LRP1B: variants seen among roughly 807,000 people sequenced by gnomAD.
LRP1B encodes the protein LDL receptor related protein 1B, also known as low-density lipoprotein receptor-related protein 1B.
Under a neutral mutation model 556.6 loss-of-function variants are expected in LRP1B, and 217 were observed. That is an observed-to-expected ratio of 0.39 (90% CI 0.35 to 0.44). LRP1B has a LOEUF of 0.44. Among genes scored for constraint, LRP1B ranks in the 20% least tolerant of loss-of-function variants. The pLI, the probability that LRP1B is intolerant of heterozygous loss-of-function variation, is 1.00. For missense variants in LRP1B, 5,053 were observed against 5,620.8 expected (o/e 0.90, Z 3.23); for synonymous variants, 2,047 against 1,865.8 (o/e 1.10, Z -2.50).
chr2:141,994,442 C>T (rs993885148), intron 1 of LRP1B, among the ~76,000 whole-genome samples: 3 of 152,096 alleles, frequency 2.0e-5, no homozygotes, highest in African/African-American at 7.2e-5. Flanking sequence ...CTTAGAGAAT[C>T]AGTGAATCAC....
chr2:140,639,117 A>G (rs1414243394), intron 41 of LRP1B, among the ~76,000 whole-genome samples: 1 of 152,176 alleles, frequency 6.6e-6, no homozygotes, highest in Non-Finnish European at 1.5e-5. Context: ...TAAAGAAGGT[A>G]TGAGTGTTAG....
rs368755303 is a variant in LRP1B, at chr2:140,450,557, A to G, written c.10057+11T>C. On this transcript the variant is annotated intron_variant, in intron 63 of 90. Coordinates refer to ENST00000389484, the MANE Select transcript of LRP1B (RefSeq NM_018557.3). ...TAAATTCTAAATTTCAATATTTGCCAGTATACTCACGACAGTCATCAGGTT... is the reference window on the plus strand; with the variant it reads ...TAAATTCTAAATTTCAATATTTGCCGGTATACTCACGACAGTCATCAGGTT... 3.2e-6 allele frequency: 5 copies of G among 1,586,056 alleles called. No homozygotes were observed. Among genetic ancestry groups the G allele is most frequent in the East Asian group, 2.2e-5 (1 of 44,694 alleles).
intron 14 of LRP1B, among the ~76,000 whole-genome samples, chr2:141,007,975 A>C (rs1319973431): frequency 2.0e-5 from 3 of 151,560 alleles, no homozygotes; most frequent in Non-Finnish European, 4.4e-5. Flanking sequence ...ATAATTCCAT[A>C]TCTCTCCTCA....
At chr2:141,189,958 A>AAAG (rs1558921771) in intron 6 of LRP1B, among the ~76,000 whole-genome samples, 145 of 5,542 alleles carry the variant, frequency 0.026, no homozygotes, top group Non-Finnish European at 0.11. Flanking sequence ...GAAAAGGAAG[A>AAAG]AAAGAAAGAA....
chr2:141,805,668 C>G (rs1410358508), intron 2 of LRP1B: 3 of 152,230 alleles, frequency 2.0e-5, no homozygotes, highest in Non-Finnish European at 2.9e-5. Context: ...GCCTGCTGGC[C>G]AAATCTGACC....
At chr2:141,808,145 T>C (rs1358231694) in intron 2 of LRP1B, among the ~76,000 whole-genome samples, 1 of 152,056 alleles carries the variant, frequency 6.6e-6, no homozygotes, top group African/African-American at 2.4e-5. Context: ...CCAACCTAGA[T>C]GTGCCATGCC....
intron 27 of LRP1B, among the ~76,000 whole-genome samples, chr2:140,861,423 G>A (rs540226142): frequency 6.6e-6 from 1 of 152,194 alleles, no homozygotes; most frequent in Non-Finnish European, 1.5e-5. Context: ...CAAAGAGAAA[G>A]ACTGATGTAT....
At chr2:141,327,349 C>A (rs558603692) in intron 3 of LRP1B, among the ~76,000 whole-genome samples, 1 of 152,188 alleles carries the variant, frequency 6.6e-6, no homozygotes, top group East Asian at 1.9e-4. Context: ...TGTAATCGTG[C>A]CAATGGTGAT....
chr2:142,008,073 A>C (rs1702851840), intron 1 of LRP1B, among the ~76,000 whole-genome samples: 1 of 152,120 alleles, frequency 6.6e-6, no homozygotes, highest in African/African-American at 2.4e-5. Flanking sequence ...TCTCTATAGA[A>C]ATGTTTTAAG....
At chr2:140,359,610 C>T (rs578016621) in intron 72 of LRP1B, among the ~76,000 whole-genome samples, 1 of 151,670 alleles carries the variant, frequency 6.6e-6, no homozygotes, top group Non-Finnish European at 1.5e-5. Context: ...TAGTCTTCAT[C>T]CTTAGATGTG....
chr2:140,792,487 A>G (rs1042063991), intron 32 of LRP1B, among the ~76,000 whole-genome samples: 2 of 152,162 alleles, frequency 1.3e-5, no homozygotes, highest in East Asian at 3.8e-4. Context: ...CCTGGTAACT[A>G]AATTCCATAT....
At chr2:140,431,206 G>A (rs913533548) in intron 66 of LRP1B, among the ~76,000 whole-genome samples, 2 of 152,042 alleles carry the variant, frequency 1.3e-5, no homozygotes, top group East Asian at 1.9e-4. Context: ...AAGGTAGAAC[G>A]GACTAATGAT....
chr2:141,197,661 G>T (rs892219885), intron 6 of LRP1B, among the ~76,000 whole-genome samples: 4 of 152,064 alleles, frequency 2.6e-5, no homozygotes, highest in Non-Finnish European at 5.9e-5. Context: ...TAGATAAAGG[G>T]GAAAAGTCTG....
intron 2 of LRP1B, among the ~76,000 whole-genome samples, chr2:141,514,671 A>G (rs1407464252): frequency 6.6e-6 from 1 of 152,160 alleles, no homozygotes; most frequent in African/African-American, 2.4e-5. Flanking sequence ...ATAAGTCAAA[A>G]TTGCATTTAA....
At chr2:140,565,219 C>T (rs1359757635) in intron 43 of LRP1B, among the ~76,000 whole-genome samples, 2 of 73,318 alleles carry the variant, frequency 2.7e-5, no homozygotes, top group Non-Finnish European at 6.6e-5. Flanking sequence ...ACACACATTG[C>T]TGAACTTTTA....
intron 35 of LRP1B, among the ~76,000 whole-genome samples, chr2:140,762,084 T>C (rs1017187111): frequency 1.3e-5 from 2 of 152,042 alleles, no homozygotes; most frequent in Admixed American, 6.6e-5. Context: ...GGCAATCCTA[T>C]ACTGACCATA....
chr2:140,474,981 T>G (rs16844074), intron 60 of LRP1B, among the ~76,000 whole-genome samples, 157 bp downstream of exon 60: 7,220 of 151,870 alleles, frequency 0.048, 210 homozygotes, highest in African/African-American at 0.051. Flanking sequence ...TGAATACATC[T>G]AATTCTAATT....
In LRP1B at chr2:142,030,468, TACTTTC is replaced by T. The variant is rs1444831703; in HGVS notation, c.82+100174_82+100179del. 2.0e-5 allele frequency among the ~76,000 whole-genome samples: 3 copies of T among 152,074 alleles called. No individual in the cohort carries two copies. The South Asian group carries it at 6.2e-4, about 32-fold the overall frequency. On this transcript the variant is annotated intron_variant, in intron 1 of 90. Coordinates refer to ENST00000389484, the MANE Select transcript of LRP1B (RefSeq NM_018557.3). ...CTTTAAATGATAAATGGCCCTAGAA[TACTTTC>T]ACAATTAAGTTGATACTGAGAAAAT...
intron 1 of LRP1B, among the ~76,000 whole-genome samples, chr2:141,980,815 G>C (rs1256044497): frequency 6.6e-6 from 1 of 152,014 alleles, no homozygotes; most frequent in Non-Finnish European, 1.5e-5. Context: ...GCCCCATATA[G>C]CTAGACACTA....
Sources: gnomAD v4.1 joint callset for allele counts (sites outside exome capture counted in the v4.1 genomes callset) on GRCh38, gnomAD v4.1.1 for gene constraint, MANE v1.5 for transcripts, NCBI Gene and HGNC (gene_info 2026-07-23, HGNC 2026-07-21) for gene names.